Variants in SEMA3A observed in about 807,000 individuals in gnomAD.
The protein encoded by SEMA3A is semaphorin 3A.
In SEMA3A, 29 loss-of-function variants were observed where a neutral mutation model predicts 97.9. That is an observed-to-expected ratio of 0.30 (90% CI 0.22 to 0.40). SEMA3A has a LOEUF of 0.40. Among genes scored for constraint, SEMA3A ranks in the 10% least tolerant of loss-of-function variants. SEMA3A has a pLI of 1.00. For missense variants in SEMA3A, 763 were observed against 951.3 expected (o/e 0.80, Z 2.60); for synonymous variants, 321 against 323.7 (o/e 0.99, Z 0.09).
chr7:84,131,075 C>G (rs1376529641), intron 2 of SEMA3A, among the ~76,000 whole-genome samples: 1 of 151,280 alleles, frequency 6.6e-6, no homozygotes, highest in Non-Finnish European at 1.5e-5. Flanking sequence ...CTTAAAAGGG[C>G]CTTTTAAGTT....
intron 4 of SEMA3A, among the ~76,000 whole-genome samples, chr7:84,078,596 G>T (rs2115786198): frequency 6.6e-6 from 1 of 152,096 alleles, no homozygotes; most frequent in South Asian, 2.1e-4. Flanking sequence ...GTACTATATA[G>T]TTTAGCAATT....
At chr7:84,231,285 T>C (rs1799110510) in intron 3 of SEMA3A, among the ~76,000 whole-genome samples, 1 of 151,962 alleles carries the variant, frequency 6.6e-6, no homozygotes, top group South Asian at 2.1e-4. Flanking sequence ...GACTGGATCA[T>C]AGTAAGCAGT....
At chr7:84,442,506 T>C (rs1375467466) in intron 1 of SEMA3A, among the ~76,000 whole-genome samples, 3 of 151,830 alleles carry the variant, frequency 2.0e-5, no homozygotes, top group Admixed American at 2.0e-4. Context: ...ATCTGAAACT[T>C]CTACTACAAA....
At chr7:84,210,470 AT>A (rs911304215) in intron 3 of SEMA3A, among the ~76,000 whole-genome samples, 21 of 151,574 alleles carry the variant, frequency 1.4e-4, no homozygotes, top group African/African-American at 4.8e-4. Flanking sequence ...AATGGGAACA[AT>A]TTTGTCATTA....
chr7:84,258,371 T>C (rs1799763497), intron 3 of SEMA3A, among the ~76,000 whole-genome samples: 1 of 152,216 alleles, frequency 6.6e-6, no homozygotes, highest in African/African-American at 2.4e-5. Context: ...TTGTAATGTT[T>C]CTACTGAACT....
At chr7:84,105,222 A>G (rs763956515) in intron 4 of SEMA3A, among the ~76,000 whole-genome samples, 1 of 152,182 alleles carries the variant, frequency 6.6e-6, no homozygotes, top group East Asian at 1.9e-4. Context: ...CTTGCTCTTC[A>G]TTGGACTAAA....
intron 3 of SEMA3A, among the ~76,000 whole-genome samples, chr7:84,281,953 T>C (rs1010347155): frequency 1.2e-4 from 19 of 152,184 alleles, no homozygotes; most frequent in Non-Finnish European, 2.4e-4. Flanking sequence ...CATGGATATC[T>C]AGAAGAACAC....
chr7:84,246,237 C>T (rs77357200), intron 3 of SEMA3A, among the ~76,000 whole-genome samples: 351 of 152,260 alleles, frequency 2.3e-3, no homozygotes, highest in African/African-American at 8.4e-3. Flanking sequence ...TTAGGCTATC[C>T]TGCCCAGGAA....
chr7:84,340,997 T>C (rs1282644221), intron 2 of SEMA3A, among the ~76,000 whole-genome samples: 2 of 152,138 alleles, frequency 1.3e-5, no homozygotes, highest in African/African-American at 4.8e-5. Context: ...ATTTGGTATG[T>C]GAAAGGGAAA....
chr7:83,955,901 T>G lies in SEMA3A; in HGVS notation c.*5470A>C, dbSNP rs1788269762. ...TGACATGAACACATCTATAAAAACTTTTGCTTAGGTCCTATATAAATAAAC... is the reference window on the plus strand; with the variant it reads ...TGACATGAACACATCTATAAAAACTGTTGCTTAGGTCCTATATAAATAAAC... On this transcript the variant is annotated 3_prime_UTR_variant, in exon 17 of 17. Coordinates refer to ENST00000265362, the MANE Select transcript of SEMA3A (RefSeq NM_006080.3). 6.6e-6 allele frequency: 1 copy of G among 152,100 alleles called. No individual in the cohort carries two copies. Among genetic ancestry groups the G allele is most frequent in the African/African-American group, 2.4e-5 (1 of 41,428 alleles). The allele number at this position is 152,100 out of a possible 1,614,324, so 9.4% of individuals were successfully genotyped here.
At chr7:84,336,332 G>A (rs960495094) in intron 2 of SEMA3A, among the ~76,000 whole-genome samples, 1 of 151,992 alleles carries the variant, frequency 6.6e-6, no homozygotes, top group African/African-American at 2.4e-5. Flanking sequence ...GGGGAGGGTC[G>A]GAAACTTAGC....
chr7:84,129,185 T>C lies in SEMA3A; in HGVS notation c.271A>G (p.Ile91Val), dbSNP rs530790731. 11 of 1,611,772 alleles carry C rather than the reference T, an allele frequency of 6.8e-6. No homozygotes were observed. In the Admixed American group the frequency reaches 1.3e-4, roughly 20 times the overall value. The change falls in exon 3 of 17, where the codon ATT (isoleucine) becomes GTT (valine). Residue 91 changes from isoleucine to valine, a missense_variant and splice_region_variant. Transcript: ENST00000265362. ...CTGGTGTAAGATACTGGCCACACAA[T>C]CTAAGGACAGAGAATAAACATTGTT... ...DLVNIKDFQK[I>V]VWPVSYTRRD... is the part of the protein sequence containing the mutation.
chr7:84,169,558 T>G (rs1368777074), intron 1 of SEMA3A, among the ~76,000 whole-genome samples: 5 of 149,208 alleles, frequency 3.4e-5, no homozygotes, highest in East Asian at 1.9e-4. Context: ...ATAATAATAA[T>G]TATATCATTT....
At chr7:84,398,131 T>C (rs1562932292) in intron 1 of SEMA3A, among the ~76,000 whole-genome samples, 1 of 152,196 alleles carries the variant, frequency 6.6e-6, no homozygotes, top group Non-Finnish European at 1.5e-5. Context: ...TTCAATGCAA[T>C]TTCCTCAACT....
intron 4 of SEMA3A, among the ~76,000 whole-genome samples, chr7:84,076,541 T>A (rs764531624): frequency 1.3e-5 from 2 of 152,130 alleles, no homozygotes; most frequent in Non-Finnish European, 2.9e-5. Flanking sequence ...ATACTGTCTC[T>A]TAATATGCCT....
At chr7:84,179,008 TAAAG>T (rs992490305) in intron 1 of SEMA3A, among the ~76,000 whole-genome samples, 1 of 151,946 alleles carries the variant, frequency 6.6e-6, no homozygotes, top group Admixed American at 6.6e-5. Context: ...TCTTTTCACA[TAAAG>T]ACTTTCCTGA....
chr7:84,221,136 T>A (rs939117098), intron 3 of SEMA3A, among the ~76,000 whole-genome samples: 1 of 152,146 alleles, frequency 6.6e-6, no homozygotes, highest in African/African-American at 2.4e-5. Flanking sequence ...CTTGCACTTT[T>A]ATTTTATGGA....
At chr7:84,388,685 A>G (rs1803463809) in intron 1 of SEMA3A, among the ~76,000 whole-genome samples, 1 of 152,030 alleles carries the variant, frequency 6.6e-6, no homozygotes, top group Non-Finnish European at 1.5e-5. Context: ...TAGCCCTAGG[A>G]ACAGAATTAT....
chr7:84,076,987 T>G (rs544109758), intron 4 of SEMA3A, among the ~76,000 whole-genome samples: 1 of 152,118 alleles, frequency 6.6e-6, no homozygotes, highest in East Asian at 1.9e-4. Context: ...ATCTTTTTAA[T>G]AGGAGCTTAA....
Sources: allele counts gnomAD v4.1 joint callset (sites outside exome capture counted in the v4.1 genomes callset), GRCh38; gene constraint gnomAD v4.1.1; transcripts MANE v1.5; gene names NCBI Gene and HGNC (gene_info 2026-07-23, HGNC 2026-07-21).